Variants in SIRT5 observed in about 807,000 individuals in gnomAD.
The protein encoded by SIRT5 is NAD-dependent protein deacylase sirtuin-5, mitochondrial.
Under a neutral mutation model 40.0 loss-of-function variants are expected in SIRT5, and 26 were observed. The ratio of observed to expected loss-of-function variants is 0.65; its 90% CI spans 0.48 to 0.90. SIRT5 has a LOEUF of 0.90. Ranked by LOEUF, SIRT5 falls within the 40% of genes least tolerant of loss-of-function variation. The pLI, the probability that SIRT5 is intolerant of heterozygous loss-of-function variation, is 0.00. For synonymous variants in SIRT5, 146 were observed against 149.1 expected, an observed-to-expected ratio of 0.98 and a Z score of 0.15; for missense variants, 401 against 402.4, an observed-to-expected ratio of 1.00 and a Z score of 0.03.
At chr6:13,593,284 G>T (rs966719860) in intron 5 of SIRT5, among the ~76,000 whole-genome samples, 13 of 152,116 alleles carry the variant, frequency 8.5e-5, no homozygotes, top group African/African-American at 2.9e-4. Flanking sequence ...GCGTGTGTGT[G>T]GTGAAGCTGC....
chr6:13,610,401 T>C (rs1185717309), intron 9 of SIRT5, among the ~76,000 whole-genome samples: 1 of 152,166 alleles, frequency 6.6e-6, no homozygotes, highest in Admixed American at 6.5e-5. Context: ...CCGACCCTCT[T>C]TCAACTTTAT....
chr6:13,581,877 C>T (rs1759383739), intron 2 of SIRT5, among the ~76,000 whole-genome samples: 1 of 152,192 alleles, frequency 6.6e-6, no homozygotes, highest in Non-Finnish European at 1.5e-5. Flanking sequence ...CAAAGATGAC[C>T]AAACATCCTC....
chr6:13,592,716 C>A (rs947799209), intron 5 of SIRT5, among the ~76,000 whole-genome samples: 10 of 152,290 alleles, frequency 6.6e-5, no homozygotes, highest in African/African-American at 2.2e-4. Context: ...TGGGTAACCC[C>A]TCACCCCTTC....
chr6:13,581,348 G>A (rs1032337979), intron 2 of SIRT5, among the ~76,000 whole-genome samples: 2 of 152,208 alleles, frequency 1.3e-5, no homozygotes, highest in Non-Finnish European at 2.9e-5. Flanking sequence ...TTTTGCTGTA[G>A]AGTGTGTAGA....
At chr6:13,580,570 C>T (rs891563673) in intron 2 of SIRT5, among the ~76,000 whole-genome samples, 1 of 152,102 alleles carries the variant, frequency 6.6e-6, no homozygotes, top group South Asian at 2.1e-4. Context: ...TGGCTTCTTT[C>T]ACTTAGCATA....
At chr6:13,599,595 C>A (rs1762098063) in intron 8 of SIRT5, among the ~76,000 whole-genome samples, 1 of 152,082 alleles carries the variant, frequency 6.6e-6, no homozygotes, top group Admixed American at 6.6e-5. Flanking sequence ...TCTTCTAGAC[C>A]CAGGAGTGAG....
At position 13,609,574 on chromosome 6, in the gene SIRT5, T is replaced by C. The variant is rs996237687; in HGVS notation, c.858-2216T>C. On this transcript the variant is annotated intron_variant, in intron 9 of 9. Transcript: ENST00000606117. ...TCCAGAAATCCCTTATCTGAAGCTC[T>C]GCACCTGGGTTGGAAATCCAGGCTG... Among the ~76,000 whole-genome samples, 4 of 152,362 alleles carry C rather than the reference T, an allele frequency of 2.6e-5. No individual in the cohort carries two copies. In the East Asian group the frequency reaches 7.7e-4, roughly 29 times the overall value.
intron 2 of SIRT5, among the ~76,000 whole-genome samples, chr6:13,581,709 T>A (rs1472800620): frequency 6.6e-6 from 1 of 152,228 alleles, no homozygotes; most frequent in Non-Finnish European, 1.5e-5. Flanking sequence ...AGCCTGGCAC[T>A]ATCTGATAGG....
rs1764070971 is a variant in SIRT5 at position 13,612,964 on chromosome 6, G to A, written c.*1099G>A. ...TTTTTTCCATGGGACTTTAAAAAATGATGCCCTTAGGTTGGGCCAGACCTC... is the reference window on the plus strand; with the variant it reads ...TTTTTTCCATGGGACTTTAAAAAATAATGCCCTTAGGTTGGGCCAGACCTC... On this transcript the variant is annotated 3_prime_UTR_variant, in exon 10 of 10. Coordinates refer to ENST00000606117, the MANE Select transcript of SIRT5 (RefSeq NM_012241.5). 6.6e-6 allele frequency: 1 copy of A among 152,234 alleles called. No homozygotes were observed. Among genetic ancestry groups the A allele is most frequent in the Middle Eastern group, 2.6e-3 (1 of 378 alleles). The allele number at this position is 152,234 out of a possible 1,614,324, so 9.4% of individuals were successfully genotyped here.
chr6:13,591,036 G>C (rs1760830785), intron 4 of SIRT5, among the ~76,000 whole-genome samples: 1 of 151,076 alleles, frequency 6.6e-6, no homozygotes, highest in South Asian at 2.1e-4. Flanking sequence ...TATCTTTAGT[G>C]TGTGTAGTAT....
At chr6:13,599,316 T>C (rs947894540) in intron 8 of SIRT5, among the ~76,000 whole-genome samples, 161 bp downstream of exon 8, 1 of 152,174 alleles carries the variant, frequency 6.6e-6, no homozygotes, top group Non-Finnish European at 1.5e-5. Context: ...GAGAGGTCTT[T>C]GTGGTATCCT....
In SIRT5 at chr6:13,584,165, CT is replaced by C; in HGVS notation, c.56del (p.Leu19ArgfsTer13). 9 of 1,614,198 alleles carry C rather than the reference CT, an allele frequency of 5.6e-6. No individual in the cohort carries two copies. The highest frequency in any genetic ancestry group is 7.6e-6 in the Non-Finnish European group (9 of 1,180,038). ...ATTGATTTCCCAGCTATATTGTGGC[CT>C]GAAGCCTCCAGCGTCCACACGAAAC... ...SRLISQLYCG[L>X]KPPASTRNQI... On this transcript the variant is annotated frameshift_variant, in exon 3 of 10. Coordinates refer to ENST00000606117, the MANE Select transcript of SIRT5 (RefSeq NM_012241.5). LOFTEE classifies it high-confidence loss of function.
At chr6:13,597,949 AG>A (rs1761820874) in intron 7 of SIRT5, among the ~76,000 whole-genome samples, 1 of 152,242 alleles carries the variant, frequency 6.6e-6, no homozygotes, top group Non-Finnish European at 1.5e-5. Context: ...AAAACATGTT[AG>A]GCACTCAAAT....
chr6:13,609,536 G>A (rs1008729164), intron 9 of SIRT5, among the ~76,000 whole-genome samples: 3 of 152,316 alleles, frequency 2.0e-5, no homozygotes, highest in Middle Eastern at 3.4e-3. Context: ...TTAGATCAAC[G>A]TGGAATGTTG....
chr6:13,584,153 C>T lies in SIRT5; in HGVS notation c.43C>T (p.Leu15=). 6.2e-7 allele frequency: 1 copy of T among 1,614,162 alleles called. No individual in the cohort carries two copies. Among genetic ancestry groups the T allele is most frequent in the Non-Finnish European group, 8.5e-7 (1 of 1,180,040 alleles). ...QIVPSRLISQ[L]YCGLKPPAST... ...TGTCCCAAGTCGATTGATTTCCCAG[C>T]TATATTGTGGCCTGAAGCCTCCAGC... Residue 15 remains leucine, a synonymous_variant, in exon 3 of 10, where the codon CTA becomes TTA. Transcript: ENST00000606117.
intron 5 of SIRT5, among the ~76,000 whole-genome samples, chr6:13,595,028 T>C (rs1317233486): frequency 1.3e-5 from 2 of 152,236 alleles, no homozygotes; most frequent in African/African-American, 2.4e-5. Context: ...GAGCTCCCTC[T>C]ACCCTATTGG....
intron 9 of SIRT5, chr6:13,604,715 T>G: frequency 1.5e-6 from 2 of 1,368,784 alleles, no homozygotes; most frequent in Non-Finnish European, 1.9e-6. Context: ...TGGTTTTTCC[T>G]GCCAGTTCAG....
At chr6:13,590,387 T>G (rs1429708548) in intron 4 of SIRT5, among the ~76,000 whole-genome samples, 2 of 152,202 alleles carry the variant, frequency 1.3e-5, no homozygotes, top group Non-Finnish European at 2.9e-5. Context: ...GTATTTTATC[T>G]ATTCTGTTTA....
Position 13,591,777 on chromosome 6 carries a change from G to T in SIRT5, c.358G>T (p.Ala120Ser). 6.2e-7 allele frequency: 1 copy of T among 1,614,086 alleles called. No homozygotes were observed. Among genetic ancestry groups the T allele is most frequent in the Non-Finnish European group, 8.5e-7 (1 of 1,179,972 alleles). The part of the protein sequence containing the change: ...GSKEPNAGHR[A>S]IAECETRLGK... ...CAAGGAGCCCAACGCCGGGCACCGC[G>T]CCATAGCCGAGTGTGAGACCCGGCT... Residue 120 changes from alanine (A) to serine (S), a missense_variant, in exon 5 of 10, where the codon GCC becomes TCC. Transcript: ENST00000606117.
Sources: gnomAD v4.1 joint callset for allele counts (sites outside exome capture counted in the v4.1 genomes callset) on GRCh38, gnomAD v4.1.1 for gene constraint, MANE v1.5 for transcripts, NCBI Gene and HGNC (gene_info 2026-07-23, HGNC 2026-07-21) for gene names.